Variants in PRPF3 observed in about 807,000 individuals in gnomAD.
The protein encoded by PRPF3 is pre-mRNA processing factor 3.
In PRPF3, 3 loss-of-function variants were observed where a neutral mutation model predicts 89.2. The observed-to-expected ratio is 0.03, with a 90% CI of 0.02 to 0.09. PRPF3 has a LOEUF of 0.09. Among genes scored for constraint, PRPF3 ranks in the 10% least tolerant of loss-of-function variants. The pLI, the probability that PRPF3 is intolerant of heterozygous loss-of-function variation, is 1.00. For synonymous variants in PRPF3, 270 were observed against 289.1 expected, an observed-to-expected ratio of 0.93 and a Z score of 0.67; for missense variants, 463 against 828.8, an observed-to-expected ratio of 0.56 and a Z score of 5.42.
At position 150,333,155 on chromosome 1, in the gene PRPF3, C is replaced by G; in HGVS notation, c.684C>G (p.Asn228Lys). The G allele has an allele frequency of 6.2e-7, 1 of 1,614,258 alleles. No homozygotes were observed. The highest frequency in any genetic ancestry group is 8.5e-7 in the Non-Finnish European group (1 of 1,180,056). The stretch of plus-strand genomic sequence containing the variant: ...AGCCAGGACTCATCGGCAATGCCAA[C>G]ATGGTGGGCCTGGCTAATCTCCATG... Reference protein sequence around the residue: ...ALKPGLIGNANMVGLANLHAM... With the variant: ...ALKPGLIGNAKMVGLANLHAM... The change falls in exon 6 of 16, where the codon AAC (asparagine) becomes AAG (lysine). Residue 228 changes from asparagine (N) to lysine (K), a missense_variant. By Grantham distance (94) the Asn-to-Lys change is moderately conservative. Around this residue, in one of 8 missense-constraint regions of PRPF3, gnomAD observed 261 missense variants for 475.8 expected, o/e 0.55. Coordinates refer to ENST00000324862, the MANE Select transcript of PRPF3 (RefSeq NM_004698.4).
intron 8 of PRPF3, among the ~76,000 whole-genome samples, chr1:150,339,393 T>C (rs1410425569): frequency 6.6e-6 from 1 of 150,898 alleles, no homozygotes; most frequent in African/African-American, 2.4e-5. Flanking sequence ...AAAAAGGATA[T>C]AAGACACATT....
At chr1:150,342,177 C>T (rs1432935576) in intron 9 of PRPF3, among the ~76,000 whole-genome samples, 1 of 151,726 alleles carries the variant, frequency 6.6e-6, no homozygotes, top group Non-Finnish European at 1.5e-5. Flanking sequence ...GTCAAGAAAT[C>T]AACACCATCC....
chr1:150,337,436 A>G (rs1345153455), intron 7 of PRPF3, among the ~76,000 whole-genome samples: 6 of 152,302 alleles, frequency 3.9e-5, no homozygotes, highest in African/African-American at 1.2e-4. Flanking sequence ...AATAAAGGAT[A>G]AAATAAAGCA....
chr1:150,346,497 TG>T lies in PRPF3; in HGVS notation c.1843+11del. 2 of 1,608,456 alleles carry T rather than the reference TG, an allele frequency of 1.2e-6. No individual in the cohort carries two copies. Among genetic ancestry groups the T allele is most frequent in the Non-Finnish European group, 1.7e-6 (2 of 1,175,126 alleles). On this transcript the variant is annotated splice_region_variant and intron_variant, in intron 14 of 15. Transcript: ENST00000324862. ...ATCTAACACAAAGGGAGATGGTGAATGGGGGTTAGAGGGGATTAAGGGGGAG... is the reference window on the plus strand; with the variant it reads ...ATCTAACACAAAGGGAGATGGTGAATGGGGTTAGAGGGGATTAAGGGGGAG...
intron 4 of PRPF3, among the ~76,000 whole-genome samples, chr1:150,331,952 C>T (rs965607164): frequency 1.3e-5 from 2 of 151,734 alleles, no homozygotes; most frequent in Admixed American, 1.3e-4. Flanking sequence ...AGGCTGGGTG[C>T]GGTGGCTCAC....
intron 6 of PRPF3, among the ~76,000 whole-genome samples, chr1:150,333,813 G>T (rs1381455913): frequency 6.6e-6 from 1 of 152,258 alleles, no homozygotes; most frequent in East Asian, 1.9e-4. Context: ...ACCACATTGT[G>T]TGAGACTAGA....
At chr1:150,329,475 T>C (rs1192713389) in intron 4 of PRPF3, among the ~76,000 whole-genome samples, 2 of 152,172 alleles carry the variant, frequency 1.3e-5, no homozygotes, top group African/African-American at 4.8e-5. Context: ...ACCTATGTCG[T>C]TGAGTCATTG....
upstream of PRPF3, chr1:150,321,483 G>T (rs1655031084): frequency 6.5e-6 from 1 of 152,780 alleles, no homozygotes; most frequent in Non-Finnish European, 1.5e-5. Context: ...TTGGGAGACA[G>T]CGGCGTGGCG....
chr1:150,338,344 C>T lies in PRPF3; in HGVS notation c.1202+18C>T. 6.2e-7 allele frequency: 1 copy of T among 1,611,740 alleles called. No individual in the cohort carries two copies. Among genetic ancestry groups the T allele is most frequent in the Non-Finnish European group, 8.5e-7 (1 of 1,178,210 alleles). ...TTTGATCTGTGAGTTTGTTTTAGTA[C>T]CTTTTTAAAAAAACAGTTTTTAATC... On this transcript the variant is annotated intron_variant, in intron 8 of 15. Coordinates refer to ENST00000324862, the MANE Select transcript of PRPF3 (RefSeq NM_004698.4).
chr1:150,322,919 G>T (rs141253024), intron 1 of PRPF3, among the ~76,000 whole-genome samples: 382 of 150,884 alleles, frequency 2.5e-3, no homozygotes, highest in African/African-American at 8.7e-3. Context: ...CTGTCGCCCA[G>T]GCTGGAGTGC....
chr1:150,341,679 T>G (rs587616047), intron 9 of PRPF3, among the ~76,000 whole-genome samples: 1 of 150,820 alleles, frequency 6.6e-6, no homozygotes, highest in South Asian at 2.1e-4. Flanking sequence ...GTGCTGGGAT[T>G]ATAGGTGTGA....
At chr1:150,351,180 G>C (rs1553874274) in intron 15 of PRPF3, among the ~76,000 whole-genome samples, 3 of 151,984 alleles carry the variant, frequency 2.0e-5, no homozygotes, top group South Asian at 4.1e-4. Flanking sequence ...CAGGAGAATC[G>C]CTTGAATCTG....
At chr1:150,351,879 A>G (rs1002047729) in intron 15 of PRPF3, among the ~76,000 whole-genome samples, 8 of 151,860 alleles carry the variant, frequency 5.3e-5, no homozygotes, top group South Asian at 2.1e-4. Flanking sequence ...GTACTTACTG[A>G]AAAAGTCCCG....
At chr1:150,349,780 T>A (rs1553873898) in intron 15 of PRPF3, among the ~76,000 whole-genome samples, 1 of 152,030 alleles carries the variant, frequency 6.6e-6, no homozygotes, top group East Asian at 1.9e-4. Context: ...TTTATGGTTA[T>A]CTAGTTCTTT....
Position 150,353,079 on chromosome 1 carries a change from A to C in PRPF3, c.*100A>C. 174 of 1,481,246 alleles carry C rather than the reference A, an allele frequency of 1.2e-4. No individual in the cohort carries two copies. The highest frequency in any genetic ancestry group is 1.5e-4 in the Non-Finnish European group (159 of 1,061,794). 91.8% of individuals were successfully genotyped at this position (1,481,246 alleles called of 1,614,324 possible). Reference sequence around the variant, plus strand: ...CCCTCCCACTTGTTTGTGTGATCTCAGAACTGTGCCAAGCAGACACTGGGA... The same window carrying C: ...CCCTCCCACTTGTTTGTGTGATCTCCGAACTGTGCCAAGCAGACACTGGGA... On this transcript the variant is annotated 3_prime_UTR_variant, in exon 16 of 16. Coordinates refer to ENST00000324862, the MANE Select transcript of PRPF3 (RefSeq NM_004698.4).
At chr1:150,328,245 G>T (rs1416508992) in intron 3 of PRPF3, 75 bp from the exon 4 acceptor site, 1 of 1,573,182 alleles carries the variant, frequency 6.4e-7, no homozygotes, top group African/African-American at 1.4e-5. Context: ...GAAAATGCTG[G>T]TAGGGGCTAG....
At chr1:150,323,507 T>C (rs1209000114) in intron 1 of PRPF3, among the ~76,000 whole-genome samples, 1 of 151,536 alleles carries the variant, frequency 6.6e-6, no homozygotes, top group African/African-American at 2.4e-5. Flanking sequence ...TGGTGGTGCA[T>C]GCCTGTAGTC....
At chr1:150,331,175 T>A (rs1211387285) in intron 4 of PRPF3, among the ~76,000 whole-genome samples, 9 of 151,962 alleles carry the variant, frequency 5.9e-5, no homozygotes, top group African/African-American at 1.9e-4. Context: ...GTAGCTGAGA[T>A]TACAGAACGT....
chr1:150,332,649 A>G (rs1553865910), intron 4 of PRPF3, 35 bp from the exon 5 acceptor site: 9 of 1,602,788 alleles, frequency 5.6e-6, no homozygotes, highest in Admixed American at 3.3e-5. Context: ...AGAAGGAGAA[A>G]TTAACAGTTT....
Sources: allele counts gnomAD v4.1 joint callset (sites outside exome capture counted in the v4.1 genomes callset), GRCh38; gene constraint gnomAD v4.1.1; regional missense constraint gnomAD v4.1.1; transcripts MANE v1.5; gene names NCBI Gene and HGNC (gene_info 2026-07-23, HGNC 2026-07-21).